WDFY2: variants seen among roughly 807,000 people sequenced by gnomAD.
The protein encoded by WDFY2 is WD repeat and FYVE domain containing 2, also known as WD repeat and FYVE domain-containing protein 2.
WDFY2 carries 36 observed loss-of-function variants against 56.4 expected under a neutral mutation model. The ratio of observed to expected loss-of-function variants is 0.64; its 90% confidence interval spans 0.49 to 0.84. WDFY2 has a LOEUF of 0.84. Ranked by LOEUF, WDFY2 falls within the 40% of genes least tolerant of loss-of-function variation. The pLI, the probability that WDFY2 is intolerant of heterozygous loss-of-function variation, is 0.00. For synonymous variants in WDFY2, 176 were observed against 183.7 expected (o/e 0.96, Z 0.34); for missense variants, 444 against 512.2 (o/e 0.87, Z 1.29).
rs1472170224 is a variant in WDFY2, at chr13:51,584,532, C to A, written c.-156C>A. On this transcript the variant is annotated 5_prime_UTR_variant, in exon 1 of 12. Coordinates refer to ENST00000298125, the MANE Select transcript of WDFY2 (RefSeq NM_052950.4). ...TGAAGCAGGGAGCGCGGAGTCGTTC[C>A]CGAGAGAGGCGGCCAGGCTATGCTC... 6.4e-6 allele frequency: 7 copies of A among 1,087,914 alleles called. No homozygotes were observed. In the East Asian group the frequency reaches 1.9e-4, roughly 29 times the overall value. 67.4% of individuals were successfully genotyped at this position (1,087,914 alleles called of 1,614,324 possible).
At chr13:51,749,291 A>G (rs183963474) in intron 7 of WDFY2, among the ~76,000 whole-genome samples, 3 of 152,306 alleles carry the variant, frequency 2.0e-5, no homozygotes. Context: ...GTGTCGTCAA[A>G]TAAGTTGTAA....
At chr13:51,691,435 A>G (rs1956153129) in intron 3 of WDFY2, among the ~76,000 whole-genome samples, 1 of 149,184 alleles carries the variant, frequency 6.7e-6, no homozygotes, top group African/African-American at 2.5e-5. Context: ...TTTTCCCAGC[A>G]CCATTTATCA....
In WDFY2 at chr13:51,759,796, G is replaced by C. The variant is rs370322938; in HGVS notation, c.*27G>C. 14 of 1,612,094 alleles carry C rather than the reference G, an allele frequency of 8.7e-6. No individual in the cohort carries two copies. The highest frequency in any genetic ancestry group is 1.2e-5 in the Non-Finnish European group (14 of 1,178,634). ...GACTCTCCCAGGAATCAGAAAGATA[G>C]TATTTACTAAAGAAACGGTTGTTTT... On this transcript the variant is annotated 3_prime_UTR_variant, in exon 12 of 12. Transcript: ENST00000298125.
intron 1 of WDFY2, among the ~76,000 whole-genome samples, chr13:51,595,800 A>T (rs1954133242): frequency 6.6e-6 from 1 of 152,202 alleles, no homozygotes; most frequent in South Asian, 2.1e-4. Context: ...CACCTTTTAT[A>T]ACAGATGCTG....
chr13:51,740,157 A>G (rs944196764), intron 7 of WDFY2, among the ~76,000 whole-genome samples: 1 of 152,198 alleles, frequency 6.6e-6, no homozygotes, highest in Non-Finnish European at 1.5e-5. Context: ...TTGGACATAA[A>G]CTAATTAAAT....
At chr13:51,744,508 G>A (rs978792463) in intron 7 of WDFY2, among the ~76,000 whole-genome samples, 5 of 152,192 alleles carry the variant, frequency 3.3e-5, no homozygotes, top group African/African-American at 4.8e-5. Flanking sequence ...CCACCATCTT[G>A]TAATTCTTAA....
At chr13:51,601,418 CTT>C (rs372263587) in intron 1 of WDFY2, among the ~76,000 whole-genome samples, 13 of 143,172 alleles carry the variant, frequency 9.1e-5, no homozygotes, top group Non-Finnish European at 1.1e-4. Context: ...TAGTAGTTTA[CTT>C]TTTTTTTTTT....
chr13:51,655,202 A>G (rs1955485595), intron 1 of WDFY2, among the ~76,000 whole-genome samples: 1 of 152,050 alleles, frequency 6.6e-6, no homozygotes, highest in Non-Finnish European at 1.5e-5. Context: ...TATTTCTTTT[A>G]TTTGGCTAAT....
intron 1 of WDFY2, among the ~76,000 whole-genome samples, chr13:51,617,803 C>T (rs771695442): frequency 3.9e-5 from 6 of 152,186 alleles, no homozygotes; most frequent in Non-Finnish European, 8.8e-5. Context: ...GAGATGCGGG[C>T]TAACATTCTA....
intron 7 of WDFY2, among the ~76,000 whole-genome samples, chr13:51,744,380 T>C (rs568519986): frequency 3.9e-5 from 6 of 152,230 alleles, no homozygotes; most frequent in Non-Finnish European, 8.8e-5. Flanking sequence ...GGATAAGGTC[T>C]TCTCTACCCT....
At chr13:51,632,213 G>A (rs75632615) in intron 1 of WDFY2, among the ~76,000 whole-genome samples, 2,407 of 151,390 alleles carry the variant, frequency 0.016, 63 homozygotes, top group African/African-American at 0.055. Context: ...GTGGAGGAGC[G>A]GATGTCTATT....
chr13:51,755,820 A>G (rs188335420), intron 9 of WDFY2, among the ~76,000 whole-genome samples: 1 of 152,228 alleles, frequency 6.6e-6, no homozygotes, highest in East Asian at 1.9e-4. Context: ...CTTCTGATTA[A>G]TTTTAGTTAT....
chr13:51,622,853 CTTTT>C (rs59372497), intron 1 of WDFY2, among the ~76,000 whole-genome samples: 1 of 130,966 alleles, frequency 7.6e-6, no homozygotes, highest in Admixed American at 7.7e-5. Context: ...TAACTTTACA[CTTTT>C]TTTTTTTTTT....
chr13:51,664,049 T>C (rs990533848), intron 2 of WDFY2, among the ~76,000 whole-genome samples: 1 of 152,122 alleles, frequency 6.6e-6, no homozygotes, highest in Non-Finnish European at 1.5e-5. Context: ...TGAAGTTTAA[T>C]GAAAGGAAGA....
At chr13:51,709,228 A>G (rs546510230) in intron 4 of WDFY2, among the ~76,000 whole-genome samples, 3 of 152,246 alleles carry the variant, frequency 2.0e-5, no homozygotes, top group Non-Finnish European at 4.4e-5. Flanking sequence ...ATTTTCAAGT[A>G]CGTGGAGAAA....
At chr13:51,700,157 G>A (rs1265839721) in intron 3 of WDFY2, among the ~76,000 whole-genome samples, 3 of 152,108 alleles carry the variant, frequency 2.0e-5, no homozygotes, top group African/African-American at 7.2e-5. Context: ...AGACATGGAG[G>A]GATACGCCAG....
chr13:51,666,033 C>A (rs1244580681), intron 2 of WDFY2, among the ~76,000 whole-genome samples: 1 of 152,176 alleles, frequency 6.6e-6, no homozygotes, highest in East Asian at 1.9e-4. Context: ...AGTTTTCACA[C>A]AAGTATGGAT....
chr13:51,758,651 T>C (rs1953478808), intron 11 of WDFY2, among the ~76,000 whole-genome samples: 1 of 151,892 alleles, frequency 6.6e-6, no homozygotes, highest in African/African-American at 2.4e-5. Context: ...GCACTGGCTC[T>C]ACACAAAGAA....
intron 2 of WDFY2, among the ~76,000 whole-genome samples, chr13:51,663,496 A>G (rs1955649380): frequency 6.6e-6 from 1 of 152,082 alleles, no homozygotes; most frequent in Non-Finnish European, 1.5e-5. Context: ...AGAGGTGAAA[A>G]AGAAAGTTAT....
Sources: gnomAD v4.1 joint callset for allele counts (sites outside exome capture counted in the v4.1 genomes callset) on GRCh38, gnomAD v4.1.1 for gene constraint, MANE v1.5 for transcripts, NCBI Gene and HGNC (gene_info 2026-07-23, HGNC 2026-07-21) for gene names.